The following GRIN3A variants were observed in gnomAD, a reference collection of about 807,000 sequenced individuals.
GRIN3A encodes the protein glutamate ionotropic receptor NMDA type subunit 3A.
In GRIN3A, 47 loss-of-function variants were observed where a neutral mutation model predicts 92.4. The ratio of observed to expected loss-of-function variants is 0.51; its 90% CI spans 0.40 to 0.65. The LOEUF (loss-of-function observed/expected upper bound fraction) is 0.65, where lower values mean the gene tolerates loss of function less well. Among genes scored for constraint, GRIN3A ranks in the 30% least tolerant of loss-of-function variants. GRIN3A has a pLI of 0.00. For missense variants in GRIN3A, 1,324 were observed against 1,393.1 expected (o/e 0.95, Z 0.79); for synonymous variants, 527 against 540.6 (o/e 0.97, Z 0.35).
At chr9:101,733,874 T>C (rs548257539) in intron 1 of GRIN3A, among the ~76,000 whole-genome samples, 1 of 152,106 alleles carries the variant, frequency 6.6e-6, no homozygotes, top group East Asian at 1.9e-4. Context: ...AATTAAAAAA[T>C]TTTTTTAAGA....
At chr9:101,630,315 AAAC>A (rs368975484) in intron 3 of GRIN3A, among the ~76,000 whole-genome samples, 4 of 152,248 alleles carry the variant, frequency 2.6e-5, no homozygotes, top group South Asian at 2.1e-4. Context: ...CTCCTACCCA[AAAC>A]AACAACAATA....
At chr9:101,681,225 G>A (rs1210404882) in intron 2 of GRIN3A, among the ~76,000 whole-genome samples, 1 of 152,092 alleles carries the variant, frequency 6.6e-6, no homozygotes, top group African/African-American at 2.4e-5. Flanking sequence ...ATGTGGGCAA[G>A]GCTAAAAGCA....
At chr9:101,592,091 G>T (rs1387561826) in intron 6 of GRIN3A, 2 of 152,150 alleles carry the variant, frequency 1.3e-5, no homozygotes, top group Non-Finnish European at 2.9e-5. Flanking sequence ...AGTTAAATAG[G>T]TTGGGCTGGA....
chr9:101,594,749 A>C (rs754217594), intron 6 of GRIN3A: 2 of 1,613,946 alleles, frequency 1.2e-6, no homozygotes, highest in Non-Finnish European at 1.7e-6. Flanking sequence ...GACGTCGATC[A>C]CTCGCCGCAC....
At chr9:101,717,714 G>A (rs2065965) in intron 1 of GRIN3A, among the ~76,000 whole-genome samples, 2 of 152,164 alleles carry the variant, frequency 1.3e-5, no homozygotes, top group South Asian at 2.1e-4. Context: ...TGTCAAGAAT[G>A]TTTGGCTACA....
chr9:101,596,544 T>C (rs1339701626), intron 6 of GRIN3A, among the ~76,000 whole-genome samples: 1 of 152,184 alleles, frequency 6.6e-6, no homozygotes, highest in Non-Finnish European at 1.5e-5. Flanking sequence ...CACAAAGACC[T>C]TTCTGGACTC....
intron 6 of GRIN3A, chr9:101,592,671 T>C (rs1177405203): frequency 6.6e-6 from 1 of 152,158 alleles, no homozygotes; most frequent in Non-Finnish European, 1.5e-5. Flanking sequence ...ATTTTTGTGG[T>C]TTCTAAGTAA....
chr9:101,686,897 T>C lies in GRIN3A; in HGVS notation c.1003A>G (p.Ile335Val). 6.2e-7 allele frequency: 1 copy of C among 1,614,226 alleles called. No individual in the cohort carries two copies. Among genetic ancestry groups the C allele is most frequent in the Non-Finnish European group, 8.5e-7 (1 of 1,180,036 alleles). ...GTTGTAATTTCGAAAATCCGCCGGA[T>C]ACTTTCCATGTCGCAGCCAAACATC... ...VVMFGCDMES[I>V]RRIFEITTQF... The change falls in exon 2 of 9, where the codon ATC (isoleucine) becomes GTC (valine). Residue 335 changes from isoleucine (I) to valine (V), a missense_variant. By Grantham distance (29) the Ile-to-Val change is conservative. Transcript: ENST00000361820.
chr9:101,581,100 T>C (rs1385731298), intron 6 of GRIN3A, among the ~76,000 whole-genome samples: 2 of 152,242 alleles, frequency 1.3e-5, no homozygotes, highest in African/African-American at 4.8e-5. Flanking sequence ...AAGGAAGTTA[T>C]ATCTTTCCTT....
chr9:101,590,461 A>G (rs1043365664), intron 6 of GRIN3A, among the ~76,000 whole-genome samples: 2 of 151,832 alleles, frequency 1.3e-5, no homozygotes, highest in Non-Finnish European at 2.9e-5. Context: ...AGCTCACTGC[A>G]ACCTCTGTCT....
intron 3 of GRIN3A, among the ~76,000 whole-genome samples, chr9:101,668,586 C>T (rs962609049): frequency 2.0e-5 from 3 of 152,038 alleles, no homozygotes; most frequent in Non-Finnish European, 2.9e-5. Context: ...TAGGGTGATG[C>T]ATTTATTTAT....
intron 3 of GRIN3A, among the ~76,000 whole-genome samples, chr9:101,662,721 TTTAAGTATTCAGTCTCCCAACTTGGTAA>T (rs1206470403): frequency 6.6e-6 from 1 of 151,820 alleles, no homozygotes; most frequent in Non-Finnish European, 1.5e-5. Context: ...TTTTGACATC[TTTAAGTATTCAGTCTCCCAACTTGGTAA>T]TATGGTAGTT....
At chr9:101,701,890 C>G (rs1166638345) in intron 1 of GRIN3A, among the ~76,000 whole-genome samples, 2 of 152,156 alleles carry the variant, frequency 1.3e-5, no homozygotes, top group African/African-American at 4.8e-5. Flanking sequence ...TCTCTCTATC[C>G]TGAGATCTCC....
intron 3 of GRIN3A, among the ~76,000 whole-genome samples, chr9:101,660,553 TG>T (rs1377318677): frequency 1.3e-5 from 2 of 151,866 alleles, no homozygotes; most frequent in Non-Finnish European, 1.5e-5. Flanking sequence ...TGTACTCTCA[TG>T]GAGTTTATAG....
In GRIN3A at chr9:101,573,088, TGTCGATA is replaced by T. The variant is rs887838711; in HGVS notation, c.*79_*85del. The T allele has an allele frequency of 1.3e-4, 155 of 1,187,176 alleles. No homozygotes were observed. In the African/African-American group the frequency reaches 2.2e-3, roughly 17 times the overall value. The allele number at this position is 1,187,176 out of a possible 1,614,324, so 73.5% of individuals were successfully genotyped here. ...CTAGACCTCAGCTTCCCCACACCTT[TGTCGATA>T]GTTACAAAAGAGCATTACAAAGTGT... On this transcript the variant is annotated 3_prime_UTR_variant, in exon 9 of 9. Coordinates refer to ENST00000361820, the MANE Select transcript of GRIN3A (RefSeq NM_133445.3).
intron 3 of GRIN3A, among the ~76,000 whole-genome samples, chr9:101,656,804 G>C (rs1206036404): frequency 1.3e-5 from 2 of 151,892 alleles, no homozygotes; most frequent in Non-Finnish European, 2.9e-5. Flanking sequence ...CAAGGAAAAA[G>C]TCAGTGCTTG....
chr9:101,597,322 G>C (rs910886811), intron 6 of GRIN3A, among the ~76,000 whole-genome samples: 3 of 152,154 alleles, frequency 2.0e-5, no homozygotes, highest in African/African-American at 2.4e-5. Context: ...TCGGGGGGAA[G>C]TGGGGGCTGG....
rs982733633 is a variant in GRIN3A, at chr9:101,579,213, A to G, written c.2914T>C (p.Trp972Arg). The change falls in exon 7 of 9, where the codon TGG becomes CGG. Residue 972 changes from tryptophan to arginine, a missense_variant. By Grantham distance (101) the Trp-to-Arg change is moderately radical (BLOSUM62 -3). Coordinates refer to ENST00000361820, the MANE Select transcript of GRIN3A (RefSeq NM_133445.3). The stretch of plus-strand genomic sequence containing the variant: ...GCACTCACCTGGCTGGTGTGGAGCC[A>G]GTATTGCAGCTTGGATTTGTTTTTG... ...RIKNKSKLQY[W>R]LHTSQRLHRA... The G allele has an allele frequency of 6.2e-7, 1 of 1,613,968 alleles. No homozygotes were observed. The highest frequency in any genetic ancestry group is 1.7e-5 in the Admixed American group (1 of 60,010).
chr9:101,613,627 G>C, intron 5 of GRIN3A, 100 bp from the exon 6 acceptor site: 2 of 1,115,582 alleles, frequency 1.8e-6, no homozygotes, highest in Non-Finnish European at 2.7e-6. Context: ...ACCAAAAAAA[G>C]GGCGTGATGA....
Sources: allele counts gnomAD v4.1 joint callset (sites outside exome capture counted in the v4.1 genomes callset), GRCh38; gene constraint gnomAD v4.1.1; transcripts MANE v1.5; gene names NCBI Gene and HGNC (gene_info 2026-07-23, HGNC 2026-07-21).